The following FHDC1 variants were observed in gnomAD, a reference collection of about 807,000 sequenced individuals.
FHDC1 encodes the protein FH2 domain-containing protein 1.
In FHDC1, 25 loss-of-function variants were observed where a neutral mutation model predicts 52.6. The ratio of observed to expected loss-of-function variants is 0.48; its 90% CI spans 0.35 to 0.66. FHDC1 has a LOEUF of 0.66. FHDC1 is among the 30% of genes least tolerant of loss of function. The pLI, the probability that FHDC1 is intolerant of heterozygous loss-of-function variation, is 0.01. For missense variants in FHDC1, 1,459 were observed against 1,452.8 expected (o/e 1.00, Z -0.07); for synonymous variants, 616 against 581.5 (o/e 1.06, Z -0.85).
the FHDC1 span, among the ~76,000 whole-genome samples, chr4:152,918,957 G>T: frequency 2.0e-5 from 3 of 152,224 alleles, no homozygotes; most frequent in Non-Finnish European, 4.4e-5. Context: ...CCTTGAAGAG[G>T]ATCAGGCTTC....
intron 2 of FHDC1, among the ~76,000 whole-genome samples, chr4:152,944,302 C>T (rs1292533709): frequency 6.6e-6 from 1 of 151,894 alleles, no homozygotes; most frequent in Non-Finnish European, 1.5e-5. Context: ...TAAGTATTGT[C>T]AGTTTAGAAA....
chr4:152,962,818 G>A lies in FHDC1; in HGVS notation c.855G>A (p.Leu285=). 2 of 1,614,014 alleles carry A rather than the reference G, an allele frequency of 1.2e-6. No individual in the cohort carries two copies. Among genetic ancestry groups the A allele is most frequent in the Non-Finnish European group, 1.7e-6 (2 of 1,179,930 alleles). The change falls in exon 7 of 12, where the codon CTG becomes CTA. Residue 285 remains leucine, a synonymous_variant. Transcript: ENST00000511601. ...GTGATGTGTTCTTTTTGATAGAACT[G>A]ATGTCATGTGAAGAGCTACATTCAA... ...ITVLRTAIKE[L]MSCEELHSIL...
chr4:152,955,819 A>C (rs1579091069), intron 4 of FHDC1, among the ~76,000 whole-genome samples: 1 of 152,222 alleles, frequency 6.6e-6, no homozygotes, highest in South Asian at 2.1e-4. Context: ...TTAATATGTT[A>C]TCCTTTTCAC....
the FHDC1 span, among the ~76,000 whole-genome samples, chr4:152,917,275 T>A: frequency 6.6e-6 from 1 of 152,224 alleles, no homozygotes; most frequent in African/African-American, 2.4e-5. Flanking sequence ...TAGATTTTTT[T>A]AAATGAAGCT....
At chr4:152,945,474 T>C (rs2149938972) in intron 2 of FHDC1, among the ~76,000 whole-genome samples, 1 of 152,348 alleles carries the variant, frequency 6.6e-6, no homozygotes, top group African/African-American at 2.4e-5. Flanking sequence ...TTTATTTTTT[T>C]GAGACAGAGT....
At chr4:152,953,605 T>G (rs778117135) in intron 3 of FHDC1, 45 bp downstream of exon 3, 8 of 1,524,014 alleles carry the variant, frequency 5.2e-6, no homozygotes, top group Non-Finnish European at 7.2e-6. Context: ...ATCCCTGCTG[T>G]CAGCATCAAA....
chr4:152,913,703 G>A, the FHDC1 span, among the ~76,000 whole-genome samples: 338 of 151,520 alleles, frequency 2.2e-3, 2 homozygotes, highest in African/African-American at 7.6e-3. Context: ...TTTTTGAGAC[G>A]GAGTTTCACT....
chr4:152,955,558 C>T (rs1014023076), intron 4 of FHDC1, among the ~76,000 whole-genome samples: 4 of 152,150 alleles, frequency 2.6e-5, no homozygotes, highest in Admixed American at 6.5e-5. Flanking sequence ...GATCTCAGCT[C>T]GCTGCAACCT....
intron 10 of FHDC1, among the ~76,000 whole-genome samples, chr4:152,968,867 T>C (rs1446239762): frequency 6.6e-6 from 1 of 152,198 alleles, no homozygotes; most frequent in Non-Finnish European, 1.5e-5. Context: ...CACTTGTTTA[T>C]GTTGAAGAAA....
chr4:152,925,996 A>G, the FHDC1 span, among the ~76,000 whole-genome samples: 1 of 152,110 alleles, frequency 6.6e-6, no homozygotes, highest in Non-Finnish European at 1.5e-5. Flanking sequence ...CGCTCTTGGG[A>G]TTCCATAAGG....
rs1245810668 is a variant in FHDC1, at chr4:152,967,223, C to G, written c.1101-757C>G. Among the ~76,000 whole-genome samples, 110 of 152,124 alleles carry G rather than the reference C, an allele frequency of 7.2e-4. 1 individual carries two copies. Among genetic ancestry groups the G allele is most frequent in the Non-Finnish European group, 7.4e-5 (5 of 68,018 alleles). ...GGCAGATCATTTGAGCTCAGGGGTT[C>G]TAGACCAGCCTGGCCAACATGGCGA... On this transcript the variant is annotated intron_variant, in intron 9 of 11. Transcript: ENST00000511601.
intron 1 of FHDC1, among the ~76,000 whole-genome samples, chr4:152,939,584 A>C (rs1435896562): frequency 6.6e-6 from 1 of 152,190 alleles, no homozygotes; most frequent in Admixed American, 6.5e-5. Context: ...CTAAAAGTTA[A>C]GTACGTGATC....
rs1371453138 is a variant in FHDC1, at chr4:152,971,378, G to T, written c.1219-999G>T. Among the ~76,000 whole-genome samples the T allele has an allele frequency of 2.6e-5, 4 of 152,160 alleles. No individual in the cohort carries two copies. The East Asian group carries it at 7.7e-4, about 29-fold the overall frequency. On this transcript the variant is annotated intron_variant, in intron 10 of 11. Transcript: ENST00000511601. Reference sequence around the variant, plus strand: ...AGGTCTCAACATAAGACTTCAGTGTGATTCCAAATGTTCATTCTCATGGGC... The same window carrying T: ...AGGTCTCAACATAAGACTTCAGTGTTATTCCAAATGTTCATTCTCATGGGC...
At chr4:152,942,470 G>A (rs973626676) in intron 1 of FHDC1, among the ~76,000 whole-genome samples, 1 of 152,280 alleles carries the variant, frequency 6.6e-6, no homozygotes, top group East Asian at 1.9e-4. Flanking sequence ...CAAGGTGCAA[G>A]ATGCCTTTTT....
intron 10 of FHDC1, among the ~76,000 whole-genome samples, chr4:152,970,739 A>G (rs140804653): frequency 9.9e-5 from 15 of 152,262 alleles, no homozygotes; most frequent in African/African-American, 2.9e-4. Context: ...TTTCTCTGGT[A>G]TTTGGTTTCC....
Position 152,976,608 on chromosome 4 carries a change from G to A in FHDC1, c.3317G>A (p.Ser1106Asn), listed in dbSNP as rs182749065. 468 of 1,611,124 alleles carry A rather than the reference G, an allele frequency of 2.9e-4. 6 individuals are homozygous for A. In the East Asian group the frequency reaches 9.1e-3, roughly 31 times the overall value. Residue 1106 changes from serine to asparagine, a missense_variant, in exon 12 of 12, where the codon AGT becomes AAT. Ser to Asn is a conservative substitution (Grantham distance 46). This residue lies in a region of FHDC1 where 939 missense variants were observed against 854.5 expected (regional missense o/e 1.10). Transcript: ENST00000511601. ...KKRPESAEGPSANTEAPLKAR... is the reference protein window; with the variant it reads ...KKRPESAEGPNANTEAPLKAR... ...CGCCCAGAGTCTGCGGAGGGTCCCA[G>A]TGCCAACACGGAGGCCCCTCTGAAG...
At chr4:152,946,716 A>T (rs1305644955) in intron 2 of FHDC1, among the ~76,000 whole-genome samples, 1 of 152,196 alleles carries the variant, frequency 6.6e-6, no homozygotes, top group South Asian at 2.1e-4. Flanking sequence ...GCAGTTCTGG[A>T]GGTTCAGACT....
chr4:152,963,795 T>TTTTTTTTTG (rs1740368515), intron 8 of FHDC1, among the ~76,000 whole-genome samples: 1 of 132,020 alleles, frequency 7.6e-6, no homozygotes, highest in Non-Finnish European at 1.5e-5. Context: ...TTTTTTTTTT[T>TTTTTTTTTG]TTTTTTTTGA....
At chr4:152,971,804 A>G (rs1740647155) in intron 10 of FHDC1, among the ~76,000 whole-genome samples, 1 of 152,170 alleles carries the variant, frequency 6.6e-6, no homozygotes, top group Non-Finnish European at 1.5e-5. Flanking sequence ...GCCTGTTGCC[A>G]AGCTTCCCAG....
Sources: gnomAD v4.1 joint callset for allele counts (sites outside exome capture counted in the v4.1 genomes callset) on GRCh38, gnomAD v4.1.1 for gene constraint, gnomAD v4.1.1 regional missense constraint, MANE v1.5 for transcripts, NCBI Gene and HGNC (gene_info 2026-07-23, HGNC 2026-07-21) for gene names.